Variants in KLF12 observed in about 807,000 individuals in gnomAD.
KLF12 encodes the protein Krueppel-like factor 12.
In KLF12, 9 loss-of-function variants were observed where a neutral mutation model predicts 37.8. That is an observed-to-expected ratio of 0.24 (90% CI 0.14 to 0.42). The LOEUF is 0.42. Ranked by LOEUF, KLF12 falls within the 10% of genes least tolerant of loss-of-function variation. The pLI is 1.00. For synonymous variants in KLF12, 208 were observed against 202.1 expected, an observed-to-expected ratio of 1.03 and a Z score of -0.25; for missense variants, 411 against 516.0, an observed-to-expected ratio of 0.80 and a Z score of 1.97.
intron 4 of KLF12, among the ~76,000 whole-genome samples, chr13:73,839,174 C>A (rs1283963726): frequency 6.6e-6 from 1 of 151,244 alleles, no homozygotes; most frequent in Admixed American, 6.6e-5. Flanking sequence ...CTCACTGCAA[C>A]CTCTATCTCC....
At chr13:73,913,939 A>C (rs1888694090) in intron 3 of KLF12, among the ~76,000 whole-genome samples, 1 of 152,214 alleles carries the variant, frequency 6.6e-6, no homozygotes, top group Non-Finnish European at 1.5e-5. Context: ...TTTTTTTAAA[A>C]AGGAGGAGCA....
At chr13:73,791,971 C>G (rs1881712518) in intron 5 of KLF12, among the ~76,000 whole-genome samples, 1 of 152,202 alleles carries the variant, frequency 6.6e-6, no homozygotes, top group Non-Finnish European at 1.5e-5. Flanking sequence ...TGACCTAAAT[C>G]AGCTATTTTC....
chr13:74,139,141 T>G, the KLF12 span, among the ~76,000 whole-genome samples: 1 of 152,350 alleles, frequency 6.6e-6, no homozygotes, highest in African/African-American at 2.4e-5. Flanking sequence ...AGATTAAGAT[T>G]TATTAGATGC....
chr13:74,140,670 A>AT, the KLF12 span, among the ~76,000 whole-genome samples: 129 of 152,338 alleles, frequency 8.5e-4, no homozygotes, highest in African/African-American at 3.1e-3. Context: ...TAAATGGGAC[A>AT]TTGGTGGATG....
the KLF12 span, among the ~76,000 whole-genome samples, chr13:74,232,255 C>A: frequency 6.6e-6 from 1 of 152,148 alleles, no homozygotes; most frequent in Non-Finnish European, 1.5e-5. Context: ...TGAAACTCCA[C>A]CTCTCTGAAG....
At chr13:73,949,573 T>G (rs1890568960) in intron 2 of KLF12, among the ~76,000 whole-genome samples, 1 of 152,240 alleles carries the variant, frequency 6.6e-6, no homozygotes, top group Non-Finnish European at 1.5e-5. Flanking sequence ...TTGCCTTTGG[T>G]GGCTCACTCA....
chr13:74,094,496 T>C (rs1355672007), intron 1 of KLF12, among the ~76,000 whole-genome samples: 1 of 151,990 alleles, frequency 6.6e-6, no homozygotes, highest in African/African-American at 2.4e-5. Context: ...GAGTTTCAAA[T>C]GCAAAAGAAC....
At position 73,686,731 on chromosome 13, in the gene KLF12, G is replaced by A. The variant is rs1873518423; in HGVS notation, c.*8759C>T. The A allele has an allele frequency of 6.6e-6, 1 of 152,134 alleles. No homozygotes were observed. 9.4% of individuals were successfully genotyped at this position (152,134 alleles called of 1,614,324 possible). On this transcript the variant is annotated 3_prime_UTR_variant, in exon 8 of 8. Coordinates refer to ENST00000377669, the MANE Select transcript of KLF12 (RefSeq NM_007249.5). Reference sequence around the variant, plus strand: ...TGTTTTGTAAAATTACATCCATAAAGCAAATCAGATGCAGCCCATCTATTC... The same window carrying A: ...TGTTTTGTAAAATTACATCCATAAAACAAATCAGATGCAGCCCATCTATTC...
chr13:73,737,210 G>A (rs1877523315), intron 6 of KLF12, among the ~76,000 whole-genome samples: 1 of 152,072 alleles, frequency 6.6e-6, no homozygotes, highest in African/African-American at 2.4e-5. Context: ...GCAATGCAGG[G>A]GAATTCTATT....
At position 73,894,338 on chromosome 13, in the gene KLF12, A is replaced by G. The variant is rs187523198; in HGVS notation, c.124-47965T>C. Among the ~76,000 whole-genome samples the G allele has an allele frequency of 1.8e-4, 27 of 152,298 alleles. No individual in the cohort carries two copies. The East Asian group carries it at 5.0e-3, about 28-fold the overall frequency. On this transcript the variant is annotated intron_variant, in intron 3 of 7. Transcript: ENST00000377669. ...ATATACTTGGGACACCACATTCACA[A>G]TGAAATGATGCCCTGTAAGTAAGAT...
At chr13:74,299,980 T>C in the KLF12 span, among the ~76,000 whole-genome samples, 2 of 152,068 alleles carry the variant, frequency 1.3e-5, no homozygotes, top group Non-Finnish European at 2.9e-5. Flanking sequence ...TTCACTTCTC[T>C]TTTTCCCAGC....
the KLF12 span, among the ~76,000 whole-genome samples, chr13:74,170,554 A>T: frequency 5.9e-5 from 9 of 152,206 alleles, no homozygotes; most frequent in African/African-American, 2.2e-4. Context: ...GGAACCTCAG[A>T]TTCTAATACA....
the KLF12 span, among the ~76,000 whole-genome samples, chr13:74,206,923 C>A: frequency 9.9e-5 from 15 of 152,256 alleles, no homozygotes; most frequent in African/African-American, 3.4e-4. Context: ...CTTTACAAAC[C>A]TTGTCTAAGT....
At chr13:74,238,803 T>C in the KLF12 span, among the ~76,000 whole-genome samples, 1 of 152,202 alleles carries the variant, frequency 6.6e-6, no homozygotes, top group Non-Finnish European at 1.5e-5. Context: ...TTATCATTTT[T>C]TATTGCGTCT....
chr13:73,711,665 G>C (rs560574829), intron 7 of KLF12, among the ~76,000 whole-genome samples: 16 of 152,240 alleles, frequency 1.1e-4, no homozygotes, highest in African/African-American at 3.9e-4. Context: ...AATGCACCTG[G>C]TCACCCTAGA....
At chr13:73,800,082 A>G (rs1463244641) in intron 5 of KLF12, 11 of 152,112 alleles carry the variant, frequency 7.2e-5, no homozygotes. Flanking sequence ...GTCATTTTCT[A>G]CAAAATGAGA....
chr13:73,955,249 ATGGG>A (rs1309963478), intron 2 of KLF12, among the ~76,000 whole-genome samples: 1 of 152,306 alleles, frequency 6.6e-6, no homozygotes, highest in East Asian at 1.9e-4. Flanking sequence ...GATTTTTAGA[ATGGG>A]TGTACTAACC....
At chr13:73,697,517 C>T (rs796416774) in intron 7 of KLF12, among the ~76,000 whole-genome samples, 17 of 152,276 alleles carry the variant, frequency 1.1e-4, no homozygotes, top group African/African-American at 4.1e-4. Context: ...AGCAAAACCC[C>T]TAACTTAGAA....
At chr13:73,908,219 G>A (rs1443685196) in intron 3 of KLF12, among the ~76,000 whole-genome samples, 4 of 151,746 alleles carry the variant, frequency 2.6e-5, no homozygotes, top group Non-Finnish European at 4.4e-5. Flanking sequence ...TGGCTAACAC[G>A]GTGAAACCCT....
Sources: allele counts gnomAD v4.1 joint callset (sites outside exome capture counted in the v4.1 genomes callset), GRCh38; gene constraint gnomAD v4.1.1; transcripts MANE v1.5; gene names NCBI Gene and HGNC (gene_info 2026-07-23, HGNC 2026-07-21).